Variants in MTCL3 observed in about 807,000 individuals in gnomAD.
MTCL3 encodes MTCL family member 3, also known as microtubule cross-linking factor 3.
the MTCL3 span, among the ~76,000 whole-genome samples, chr6:127,482,582 A>T: frequency 6.6e-6 from 1 of 152,176 alleles, no homozygotes; most frequent in Non-Finnish European, 1.5e-5. This position sits in a 1 kb window ranked among gnomAD's most constrained non-coding sequence, Gnocchi z 4.1. Context: ...CTGACACTAT[A>T]GGAACAGCCT....
chr6:127,476,361 G>T, the MTCL3 span: 2 of 1,614,156 alleles, frequency 1.2e-6, no homozygotes, highest in Non-Finnish European at 1.7e-6. This position sits in a 1 kb window ranked among gnomAD's most constrained non-coding sequence, Gnocchi z 4.4. Context: ...TCTGGAGCTC[G>T]TGTTCAAATC....
chr6:127,483,068 G>A, the MTCL3 span: 23 of 1,087,936 alleles, frequency 2.1e-5, no homozygotes, highest in African/African-American at 3.3e-5. Context: ...AGTCTCAAAC[G>A]ACAAAACCAA....
the MTCL3 span, chr6:127,514,679 A>G: frequency 1.1e-5 from 7 of 653,502 alleles, no homozygotes; most frequent in Non-Finnish European, 1.8e-5. Flanking sequence ...CTGAGACCCT[A>G]GTATTTTGTG....
chr6:127,478,328 A>G, the MTCL3 span, among the ~76,000 whole-genome samples: 3 of 152,334 alleles, frequency 2.0e-5, no homozygotes, highest in East Asian at 5.8e-4. Flanking sequence ...TCAATCTAAA[A>G]TGGATAAAGT....
chr6:127,487,799 C>T, the MTCL3 span, among the ~76,000 whole-genome samples: 1 of 152,178 alleles, frequency 6.6e-6, no homozygotes, highest in East Asian at 1.9e-4. Flanking sequence ...TCAGTGGCTT[C>T]CCATCTCACT....
the MTCL3 span, among the ~76,000 whole-genome samples, chr6:127,493,335 T>C: frequency 6.6e-6 from 1 of 152,074 alleles, no homozygotes; most frequent in Admixed American, 6.5e-5. Flanking sequence ...TAGAAAAGAA[T>C]AGAGAAGGGA....
the MTCL3 span, chr6:127,475,476 C>T: frequency 4.5e-5 from 72 of 1,613,418 alleles, no homozygotes; most frequent in Non-Finnish European, 5.8e-5. The surrounding 1 kb of genome is among the most constrained non-coding windows in gnomAD (Gnocchi z 7.3). Context: ...CGAACAGGTC[C>T]CCGTTGGCCA....
chr6:127,516,057 GC>G, the MTCL3 span: 2 of 1,536,826 alleles, frequency 1.3e-6, no homozygotes, highest in Non-Finnish European at 1.7e-6. Context: ...GCTGCGGAGC[GC>G]CCCCCTCCCT....
At chr6:127,484,257 G>A in the MTCL3 span, among the ~76,000 whole-genome samples, 1 of 152,168 alleles carries the variant, frequency 6.6e-6, no homozygotes, top group African/African-American at 2.4e-5. Context: ...AAGCACAGAA[G>A]GCAGGGGAAT....
chr6:127,497,953 A>T, the MTCL3 span, among the ~76,000 whole-genome samples: 6 of 152,302 alleles, frequency 3.9e-5, no homozygotes, highest in African/African-American at 1.4e-4. Context: ...CTCAAATTGG[A>T]TTGTAGATCT....
At chr6:127,484,444 G>A in the MTCL3 span, among the ~76,000 whole-genome samples, 10 of 152,064 alleles carry the variant, frequency 6.6e-5, no homozygotes, top group Non-Finnish European at 1.3e-4. Flanking sequence ...AGTAATTTAG[G>A]AAGTAATCAA....
At chr6:127,492,881 C>T in the MTCL3 span, among the ~76,000 whole-genome samples, 1 of 152,140 alleles carries the variant, frequency 6.6e-6, no homozygotes, top group Non-Finnish European at 1.5e-5. Context: ...GTTCACTTTT[C>T]CAGTTCTAAA....
At chr6:127,496,573 C>T in the MTCL3 span, among the ~76,000 whole-genome samples, 2,081 of 152,322 alleles carry the variant, frequency 0.014, 53 homozygotes, top group African/African-American at 0.048. Context: ...ATCTTAGGTA[C>T]ATACTCAAGA....
At chr6:127,478,145 T>C in the MTCL3 span, among the ~76,000 whole-genome samples, 10 of 152,278 alleles carry the variant, frequency 6.6e-5, no homozygotes, top group Non-Finnish European at 1.3e-4. Context: ...TTTTTGAGGA[T>C]GAGACCAAGG....
At chr6:127,496,464 G>A in the MTCL3 span, among the ~76,000 whole-genome samples, 1 of 152,194 alleles carries the variant, frequency 6.6e-6, no homozygotes, top group African/African-American at 2.4e-5. Flanking sequence ...GGCCTTCAAT[G>A]TGTGAAACAG....
At chr6:127,481,801 C>T in the MTCL3 span, among the ~76,000 whole-genome samples, 170 of 152,274 alleles carry the variant, frequency 1.1e-3, no homozygotes, top group Admixed American at 3.5e-3. Flanking sequence ...CTGAAACCCA[C>T]TGGGCTGCAT....
At chr6:127,506,048 G>A in the MTCL3 span, among the ~76,000 whole-genome samples, 1 of 152,116 alleles carries the variant, frequency 6.6e-6, no homozygotes, top group Admixed American at 6.6e-5. Context: ...ATTAAAAACT[G>A]AGGCCTATAA....
chr6:127,500,783 C>A, the MTCL3 span, among the ~76,000 whole-genome samples: 1 of 152,060 alleles, frequency 6.6e-6, no homozygotes, highest in African/African-American at 2.4e-5. Flanking sequence ...TAACAAAGAA[C>A]AGGCTGTAGT....
At chr6:127,486,889 G>A in the MTCL3 span, among the ~76,000 whole-genome samples, 2,064 of 152,212 alleles carry the variant, frequency 0.014, 64 homozygotes, top group African/African-American at 0.047. Context: ...AAACCACAGA[G>A]AAGAATGTGC....
Sources: allele counts gnomAD v4.1 joint callset (sites outside exome capture counted in the v4.1 genomes callset), GRCh38; gene constraint gnomAD v4.1.1; non-coding constraint Gnocchi (gnomAD v3.1); transcripts MANE v1.5; gene names NCBI Gene and HGNC (gene_info 2026-07-23, HGNC 2026-07-21).